IGLL5: variants seen among roughly 807,000 people sequenced by gnomAD.
IGLL5 encodes immunoglobulin lambda-like polypeptide 5.
In IGLL5, 30 loss-of-function variants were observed where a neutral mutation model predicts 20.9. The ratio of observed to expected loss-of-function variants is 1.44; its 90% CI spans 1.07 to 1.95. IGLL5 has a LOEUF of 1.95. Among genes scored for constraint, IGLL5 ranks in the 30% most tolerant of loss-of-function variants. The pLI is 0.00. For synonymous variants in IGLL5, 203 were observed against 117.3 expected, an observed-to-expected ratio of 1.73 and a Z score of -4.72; for missense variants, 475 against 270.7, an observed-to-expected ratio of 1.75 and a Z score of -5.30.
At chr22:22,892,966 T>A (rs1293438796) in intron 1 of IGLL5, among the ~76,000 whole-genome samples, 1 of 150,938 alleles carries the variant, frequency 6.6e-6, no homozygotes, top group African/African-American at 2.4e-5. Flanking sequence ...GGGGAAGAAC[T>A]GCAGACTGAA....
At position 22,888,206 on chromosome 22, in the gene IGLL5, C is replaced by A. The variant is rs759339896; in HGVS notation, c.153C>A (p.Asp51Glu). 1.3e-6 allele frequency: 2 copies of A among 1,548,624 alleles called. No homozygotes were observed. The highest frequency in any genetic ancestry group is 2.0e-5 in the Admixed American group (1 of 50,800). ...PMVAPQSGDP[D>E]PGASVGSSRS... ...TTGCACCGCAAAGCGGGGACCCAGA[C>A]CCTGGAGCCTCAGTTGGAAGCAGCC... The change falls in exon 1 of 3, where the codon GAC becomes GAA. Residue 51 changes from aspartate to glutamate, a missense_variant. Physicochemically the swap from Asp to Glu is conservative, Grantham distance 45. Transcript: ENST00000526893.
intron 1 of IGLL5, among the ~76,000 whole-genome samples, chr22:22,888,835 G>A (rs919291736): frequency 2.6e-5 from 4 of 151,476 alleles, no homozygotes; most frequent in African/African-American, 7.3e-5. Context: ...ACAGGCCCAC[G>A]GCCCATGTTT....
chr22:22,889,895 C>A (rs2067761058), intron 1 of IGLL5, among the ~76,000 whole-genome samples: 1 of 151,218 alleles, frequency 6.6e-6, no homozygotes, highest in Admixed American at 6.6e-5. Flanking sequence ...TGCACCTGAC[C>A]CAACTGTGTT....
rs377135492 is a variant in IGLL5, at chr22:22,895,489, C to T, written c.440C>T (p.Thr147Ile). Reference sequence around the variant, plus strand: ...AGTGACTTCTACCCGGGAGCTGTGACAGTGGCCTGGAAGGCAGATGGCAGC... The same window carrying T: ...AGTGACTTCTACCCGGGAGCTGTGATAGTGGCCTGGAAGGCAGATGGCAGC... ...LISDFYPGAVTVAWKADGSPV... is the reference protein window; with the variant it reads ...LISDFYPGAVIVAWKADGSPV... The change falls in exon 3 of 3, where the codon ACA becomes ATA. Residue 147 changes from threonine (T) to isoleucine (I), a missense_variant. Coordinates refer to ENST00000526893, the MANE Select transcript of IGLL5 (RefSeq NM_001178126.2). 1 of 1,612,656 alleles carries T rather than the reference C, an allele frequency of 6.2e-7. No individual in the cohort carries two copies. Among genetic ancestry groups the T allele is most frequent in the African/African-American group, 1.3e-5 (1 of 74,770 alleles).
rs574751922 is a variant in IGLL5 at position 22,888,192 on chromosome 22, A to G, written c.139A>G (p.Ser47Gly). ...GCTGCGCCCAATGGTTGCACCGCAA[A>G]GCGGGGACCCAGACCCTGGAGCCTC... ...GLLRPMVAPQ[S>G]GDPDPGASVG... Residue 47 changes from serine to glycine, a missense_variant, in exon 1 of 3, where the codon AGC becomes GGC. Ser to Gly is a moderately conservative substitution (Grantham distance 56, BLOSUM62 0). Coordinates refer to ENST00000526893, the MANE Select transcript of IGLL5 (RefSeq NM_001178126.2). 5 of 1,548,812 alleles carry G rather than the reference A, an allele frequency of 3.2e-6. No homozygotes were observed. The highest frequency in any genetic ancestry group is 2.5e-5 in the East Asian group (1 of 40,602).
At chr22:22,894,732 G>A (rs1422970214) in intron 2 of IGLL5, among the ~76,000 whole-genome samples, 5 of 151,406 alleles carry the variant, frequency 3.3e-5, no homozygotes, top group South Asian at 4.2e-4. Flanking sequence ...GAACAGCTGA[G>A]GTGAAGGGTT....
rs139421448 is a variant in IGLL5 at position 22,895,358 on chromosome 22, C to G, written c.326-17C>G. ...TATTCTGTCTGCCCTCTCTCACCCC[C>G]TTCCCTGTCCACACAGGTCAGCCCA... On this transcript the variant is annotated splice_polypyrimidine_tract_variant and intron_variant, in intron 2 of 2. Coordinates refer to ENST00000526893, the MANE Select transcript of IGLL5 (RefSeq NM_001178126.2). 1.8e-3 allele frequency: 2,948 copies of G among 1,610,424 alleles called. 13 individuals carry two copies. Among genetic ancestry groups the G allele is most frequent in the Middle Eastern group, 9.3e-3 (55 of 5,930 alleles).
Position 22,895,754 on chromosome 22 carries a change from C to A in IGLL5, c.*60C>A, listed in dbSNP as rs9848. 5 of 1,491,514 alleles carry A rather than the reference C, an allele frequency of 3.4e-6. No individual in the cohort carries two copies. The East Asian group carries it at 1.1e-4, about 34-fold the overall frequency. The allele number at this position is 1,491,514 out of a possible 1,614,324, so 92.4% of individuals were successfully genotyped here. A position where few individuals can be genotyped will look rare whatever the true frequency, so the allele number is the denominator to read the frequency against. On this transcript the variant is annotated 3_prime_UTR_variant, in exon 3 of 3. Coordinates refer to ENST00000526893, the MANE Select transcript of IGLL5 (RefSeq NM_001178126.2). ...AGCTGCAGGATCCCAGGGGAGGGGT[C>A]TCTCTCCCCATCCCAAGTCATCCAG... is the stretch of plus-strand genomic sequence containing the variant.
chr22:22,894,922 G>A (rs2066708336), intron 2 of IGLL5, among the ~76,000 whole-genome samples: 1 of 151,390 alleles, frequency 6.6e-6, no homozygotes, highest in South Asian at 2.1e-4. Flanking sequence ...CCCACACACT[G>A]CCTGCCAGGA....
chr22:22,889,325 C>G (rs2067707537), intron 1 of IGLL5, among the ~76,000 whole-genome samples: 1 of 150,956 alleles, frequency 6.6e-6, no homozygotes, highest in Admixed American at 6.6e-5. Context: ...AGCAGACACG[C>G]TCGGGGACTG....
At chr22:22,889,287 A>C (rs2067704305) in intron 1 of IGLL5, among the ~76,000 whole-genome samples, 1 of 151,056 alleles carries the variant, frequency 6.6e-6, no homozygotes, top group African/African-American at 2.4e-5. Context: ...TGGGAGCATG[A>C]AGTTGAAGTG....
Position 22,888,126 on chromosome 22 carries a change from C to T in IGLL5, c.73C>T (p.Pro25Ser), listed in dbSNP as rs566542698. The part of the protein sequence containing the change: ...ELGPGPRQRW[P>S]LLLLGLAMVA... ...GGGCCCTGGTCCCAGGCAGCGCTGG[C>T]CCCTGCTGCTGCTGGGTCTGGCCAT... The change falls in exon 1 of 3, where the codon CCC becomes TCC. Residue 25 changes from proline (P) to serine (S), a missense_variant. Coordinates refer to ENST00000526893, the MANE Select transcript of IGLL5 (RefSeq NM_001178126.2). 3.9e-6 allele frequency: 6 copies of T among 1,549,754 alleles called. No individual in the cohort carries two copies. Among genetic ancestry groups the T allele is most frequent in the East Asian group, 4.9e-5 (2 of 40,710 alleles).
intron 1 of IGLL5, among the ~76,000 whole-genome samples, chr22:22,888,763 G>C: frequency 6.6e-6 from 1 of 151,422 alleles, no homozygotes; most frequent in Admixed American, 6.6e-5. Flanking sequence ...ATGCTTACTG[G>C]GGCCAGGCTC....
chr22:22,888,961 G>C (rs2067669783), intron 1 of IGLL5, among the ~76,000 whole-genome samples: 2 of 151,460 alleles, frequency 1.3e-5, no homozygotes, highest in East Asian at 2.0e-4. Context: ...CGTCAGAGGA[G>C]AGGAGAGCAC....
intron 2 of IGLL5, among the ~76,000 whole-genome samples, chr22:22,894,510 G>C (rs2066662491): frequency 1.3e-5 from 2 of 151,538 alleles, no homozygotes; most frequent in African/African-American, 2.4e-5. Flanking sequence ...TGTCCCTGGA[G>C]CCCCGTCACC....
chr22:22,888,638 T>C (rs539016636), intron 1 of IGLL5, among the ~76,000 whole-genome samples: 4 of 151,184 alleles, frequency 2.6e-5, no homozygotes, highest in East Asian at 2.1e-4. Flanking sequence ...CTCCCCCTCC[T>C]CCTCTCTGCC....
chr22:22,888,208 C>T lies in IGLL5; in HGVS notation c.155C>T (p.Pro52Leu), dbSNP rs752528433. The change falls in exon 1 of 3, where the codon CCT becomes CTT. Residue 52 changes from proline (P) to leucine (L), a missense_variant. Pro to Leu is a moderately conservative substitution (Grantham distance 98). Coordinates refer to ENST00000526893, the MANE Select transcript of IGLL5 (RefSeq NM_001178126.2). ...GCACCGCAAAGCGGGGACCCAGACC[C>T]TGGAGCCTCAGTTGGAAGCAGCCGA... ...MVAPQSGDPD[P>L]GASVGSSRSS... is the part of the protein sequence containing the mutation. 1.9e-6 allele frequency: 3 copies of T among 1,548,634 alleles called. No individual in the cohort carries two copies. The highest frequency in any genetic ancestry group is 8.7e-7 in the Non-Finnish European group (1 of 1,146,536).
At chr22:22,890,701 T>A (rs2067816128) in intron 1 of IGLL5, among the ~76,000 whole-genome samples, 1 of 150,512 alleles carries the variant, frequency 6.6e-6, no homozygotes, top group African/African-American at 2.4e-5. Context: ...TAGGTAGTGT[T>A]TCCAAAAGTC....
chr22:22,890,385 A>C (rs2067795694), intron 1 of IGLL5, among the ~76,000 whole-genome samples: 1 of 149,772 alleles, frequency 6.7e-6, no homozygotes, highest in African/African-American at 2.4e-5. Context: ...TAAGAGCCAT[A>C]TTCTGCATAT....
Sources: gnomAD v4.1 joint callset for allele counts (sites outside exome capture counted in the v4.1 genomes callset) on GRCh38, gnomAD v4.1.1 for gene constraint, MANE v1.5 for transcripts, NCBI Gene and HGNC (gene_info 2026-07-23, HGNC 2026-07-21) for gene names.